ROR1: variants seen among roughly 807,000 people sequenced by gnomAD.
ROR1 encodes the protein inactive tyrosine-protein kinase transmembrane receptor ROR1.
ROR1 carries 19 observed loss-of-function variants against 78.8 expected under a neutral mutation model. The ratio of observed to expected loss-of-function variants is 0.24; its 90% confidence interval spans 0.17 to 0.35. The LOEUF (loss-of-function observed/expected upper bound fraction) is 0.35, where lower values mean the gene tolerates loss of function less well. Among genes scored for constraint, ROR1 ranks in the 10% least tolerant of loss-of-function variants. The pLI is 1.00. For missense variants in ROR1, 917 were observed against 1,177.8 expected (o/e 0.78, Z 3.24); for synonymous variants, 386 against 433.6 (o/e 0.89, Z 1.36).
chr1:63,815,473 C>CTTTTTT (rs1557510128), intron 1 of ROR1, among the ~76,000 whole-genome samples: 10 of 96,160 alleles, frequency 1.0e-4, no homozygotes, highest in African/African-American at 3.0e-4. Context: ...CTTTTCTTTT[C>CTTTTTT]TTTTCTTTTT....
intron 8 of ROR1, among the ~76,000 whole-genome samples, chr1:64,172,395 T>C (rs1156664215): frequency 6.6e-6 from 1 of 152,200 alleles, no homozygotes; most frequent in Non-Finnish European, 1.5e-5. Context: ...GCATCAACTT[T>C]TATTTCATAT....
chr1:64,019,045 G>A (rs1646543970), intron 2 of ROR1, among the ~76,000 whole-genome samples: 1 of 152,128 alleles, frequency 6.6e-6, no homozygotes, highest in African/African-American at 2.4e-5. Context: ...ACTAATGCCT[G>A]GGTCTGTTCT....
intron 1 of ROR1, among the ~76,000 whole-genome samples, chr1:63,851,811 A>G (rs1645115684): frequency 6.6e-6 from 1 of 152,252 alleles, no homozygotes; most frequent in Non-Finnish European, 1.5e-5. Flanking sequence ...GATTTTGTAA[A>G]TAATCCTATA....
At chr1:63,805,201 A>G (rs1368153808) in intron 1 of ROR1, among the ~76,000 whole-genome samples, 3 of 152,194 alleles carry the variant, frequency 2.0e-5, no homozygotes, top group Admixed American at 6.5e-5. Flanking sequence ...GCAGACACAC[A>G]ATAGGATAAA....
chr1:64,046,188 G>T (rs1646781556), intron 2 of ROR1, among the ~76,000 whole-genome samples: 1 of 152,178 alleles, frequency 6.6e-6, no homozygotes, highest in Non-Finnish European at 1.5e-5. Flanking sequence ...CCAGGGAGGT[G>T]AAGTGATGGT....
intron 4 of ROR1, among the ~76,000 whole-genome samples, chr1:64,109,937 C>A (rs945429776): frequency 6.6e-6 from 1 of 152,118 alleles, no homozygotes; most frequent in African/African-American, 2.4e-5. Flanking sequence ...CCAACAGACA[C>A]AACTCAGACC....
intron 1 of ROR1, among the ~76,000 whole-genome samples, chr1:63,937,433 T>C (rs1557571674): frequency 6.6e-6 from 1 of 152,220 alleles, no homozygotes; most frequent in Non-Finnish European, 1.5e-5. Context: ...AGTGAGTTCA[T>C]TGCATAATCT....
chr1:63,887,846 T>C (rs1329819096), intron 1 of ROR1, among the ~76,000 whole-genome samples: 1 of 152,188 alleles, frequency 6.6e-6, no homozygotes, highest in Non-Finnish European at 1.5e-5. Flanking sequence ...ATGATAATAA[T>C]AGCTGCATAC....
intron 1 of ROR1, among the ~76,000 whole-genome samples, chr1:63,913,157 T>C (rs1327933730): frequency 1.3e-5 from 2 of 152,120 alleles, no homozygotes; most frequent in Non-Finnish European, 2.9e-5. Flanking sequence ...AGTGTGTAAA[T>C]GTAGGAAACA....
intron 1 of ROR1, among the ~76,000 whole-genome samples, chr1:63,924,366 A>AT (rs1171593808): frequency 1.6e-4 from 24 of 152,122 alleles, no homozygotes; most frequent in Non-Finnish European, 2.6e-4. Context: ...GAATGAATAC[A>AT]TTTTTTATTA....
intron 1 of ROR1, among the ~76,000 whole-genome samples, chr1:63,892,674 C>A (rs997835264): frequency 1.3e-5 from 2 of 152,124 alleles, no homozygotes; most frequent in Non-Finnish European, 2.9e-5. Flanking sequence ...CCATACTGGA[C>A]AGCAGTCTTG....
rs1019565703 is a variant in ROR1 at position 63,802,827 on chromosome 1, G to A, written c.91+28319G>A. On this transcript the variant is annotated intron_variant, in intron 1 of 8. Coordinates refer to ENST00000371079, the MANE Select transcript of ROR1 (RefSeq NM_005012.4). ...GACAAAACTCCTCTGGACCAGCACT[G>A]TCCAATAAAATTATAATTTGAGCCA... Among the ~76,000 whole-genome samples, 13 of 152,240 alleles carry A rather than the reference G, an allele frequency of 8.5e-5. 1 individual carries two copies. The highest frequency in any genetic ancestry group is 3.1e-4 in the African/African-American group (13 of 41,534).
At chr1:64,124,032 G>T (rs1276371339) in intron 4 of ROR1, among the ~76,000 whole-genome samples, 1 of 152,126 alleles carries the variant, frequency 6.6e-6, no homozygotes, top group Non-Finnish European at 1.5e-5. Flanking sequence ...ACTTCATAAT[G>T]TGGAAAATAC....
intron 2 of ROR1, among the ~76,000 whole-genome samples, chr1:64,035,779 T>C (rs1339263945): frequency 6.6e-6 from 1 of 152,154 alleles, no homozygotes; most frequent in East Asian, 1.9e-4. Flanking sequence ...CTGATCTGGT[T>C]CCCGGCAGCT....
At chr1:64,057,803 TG>T (rs918678961) in intron 4 of ROR1, among the ~76,000 whole-genome samples, 2 of 152,190 alleles carry the variant, frequency 1.3e-5, no homozygotes, top group African/African-American at 4.8e-5. Context: ...TCAAGACTTT[TG>T]TTGTTGTTGT....
intron 1 of ROR1, among the ~76,000 whole-genome samples, chr1:63,981,157 G>A (rs1182150602): frequency 6.6e-6 from 1 of 152,110 alleles, no homozygotes; most frequent in African/African-American, 2.4e-5. Context: ...TCTGTAGGAG[G>A]TACAGTGCTT....
At chr1:63,980,983 A>T (rs1646205903) in intron 1 of ROR1, among the ~76,000 whole-genome samples, 1 of 151,570 alleles carries the variant, frequency 6.6e-6, no homozygotes, top group Non-Finnish European at 1.5e-5. Context: ...CAAGGAGCAC[A>T]GATAAGACTT....
intron 4 of ROR1, among the ~76,000 whole-genome samples, chr1:64,073,791 G>C (rs927988563): frequency 1.3e-5 from 2 of 152,166 alleles, no homozygotes; most frequent in African/African-American, 4.8e-5. Flanking sequence ...TCTACACTGG[G>C]TTTCCCCCCT....
At chr1:63,977,937 A>G (rs1411308229) in intron 1 of ROR1, among the ~76,000 whole-genome samples, 1 of 152,088 alleles carries the variant, frequency 6.6e-6, no homozygotes, top group African/African-American at 2.4e-5. Context: ...CTTAAGTTCA[A>G]CCTCCTAAGA....
Sources: gnomAD v4.1 joint callset for allele counts (sites outside exome capture counted in the v4.1 genomes callset) on GRCh38, gnomAD v4.1.1 for gene constraint, MANE v1.5 for transcripts, NCBI Gene and HGNC (gene_info 2026-07-23, HGNC 2026-07-21) for gene names.